The following LARGE1 variants were observed in gnomAD, a reference collection of about 807,000 sequenced individuals.
LARGE1 encodes LARGE xylosyl- and glucuronyltransferase 1.
In LARGE1, 43 loss-of-function variants were observed where a neutral mutation model predicts 87.6. That is an observed-to-expected ratio of 0.49 (90% CI 0.38 to 0.63). The LOEUF (loss-of-function observed/expected upper bound fraction) is 0.63. Ranked by LOEUF, LARGE1 falls within the 30% of genes least tolerant of loss-of-function variation. The pLI is 0.00. For synonymous variants in LARGE1, 434 were observed against 394.6 expected, an observed-to-expected ratio of 1.10 and a Z score of -1.18; for missense variants, 802 against 1,000.2, an observed-to-expected ratio of 0.80 and a Z score of 2.67.
chr22:33,118,472 A>G, the LARGE1 span, among the ~76,000 whole-genome samples: 1 of 151,220 alleles, frequency 6.6e-6, no homozygotes, highest in Non-Finnish European at 1.5e-5. Context: ...AGCCTGGGTG[A>G]CAGAGAGGGA....
intron 3 of LARGE1, among the ~76,000 whole-genome samples, chr22:33,637,712 TAC>T (rs1212338411): frequency 6.6e-6 from 1 of 152,194 alleles, no homozygotes; most frequent in East Asian, 1.9e-4. Flanking sequence ...ACTATATGGT[TAC>T]AGAGTCTTCA....
chr22:33,353,018 A>C, intron 9 of LARGE1, among the ~76,000 whole-genome samples: 1 of 152,236 alleles, frequency 6.6e-6, no homozygotes, highest in East Asian at 1.9e-4. Context: ...GCTACATTAC[A>C]AAGTAGAGAA....
chr22:33,837,223 A>G (rs1480009343), intron 1 of LARGE1, among the ~76,000 whole-genome samples: 2 of 140,266 alleles, frequency 1.4e-5, no homozygotes, highest in Non-Finnish European at 3.2e-5. Flanking sequence ...ATGCCACTCC[A>G]TATATATATA....
chr22:33,722,483 T>C (rs1328516549), intron 2 of LARGE1, among the ~76,000 whole-genome samples: 2 of 152,156 alleles, frequency 1.3e-5, no homozygotes, highest in Non-Finnish European at 1.5e-5. Context: ...GTAACAAATA[T>C]TGTGACAAAT....
rs373310920 is a variant in LARGE1, at chr22:33,737,950, T to C, written c.106+23421A>G. Among the ~76,000 whole-genome samples the C allele has an allele frequency of 1.0e-3, 158 of 152,200 alleles. 2 individuals are homozygous for C. Among genetic ancestry groups the C allele is most frequent in the African/African-American group, 3.4e-3 (143 of 41,526 alleles). On this transcript the variant is annotated intron_variant, in intron 2 of 14. Coordinates refer to ENST00000397394, the MANE Select transcript of LARGE1 (RefSeq NM_133642.5). ...CTTGTGCTGACATGTACTATTATTATACACTCTGTGCCTTTGAGACAACCT... is the reference window on the plus strand; with the variant it reads ...CTTGTGCTGACATGTACTATTATTACACACTCTGTGCCTTTGAGACAACCT...
intron 2 of LARGE1, among the ~76,000 whole-genome samples, chr22:33,652,861 A>G (rs1304250791): frequency 6.6e-6 from 1 of 152,168 alleles, no homozygotes; most frequent in East Asian, 1.9e-4. Context: ...TAAACGCCTA[A>G]GTGCCTGGTC....
chr22:33,883,600 A>G (rs917835779), intron 1 of LARGE1, among the ~76,000 whole-genome samples: 1 of 152,220 alleles, frequency 6.6e-6, no homozygotes, highest in African/African-American at 2.4e-5. Context: ...CCTCTCTGTC[A>G]TCCTCTCCCA....
At chr22:33,331,609 T>A (rs1937714898) in intron 10 of LARGE1, among the ~76,000 whole-genome samples, 1 of 152,136 alleles carries the variant, frequency 6.6e-6, no homozygotes, top group Admixed American at 6.5e-5. Flanking sequence ...GGTTTCGCCA[T>A]GTTAGCCAGG....
intron 6 of LARGE1, among the ~76,000 whole-genome samples, chr22:33,556,540 G>A (rs1313098807): frequency 1.9e-5 from 1 of 53,244 alleles, no homozygotes; most frequent in South Asian, 5.5e-4. Flanking sequence ...GGGAGGGAAG[G>A]AGGGAGGGAG....
chr22:33,697,549 C>CAAAAAAAAA (rs3072289), intron 2 of LARGE1, among the ~76,000 whole-genome samples: 2,521 of 53,642 alleles, frequency 0.047, 127 homozygotes, highest in African/African-American at 0.079. Flanking sequence ...GACTCTGTCC[C>CAAAAAAAAA]AAAAAAAAAA....
intron 11 of LARGE1, among the ~76,000 whole-genome samples, chr22:33,188,921 C>T (rs1377351061): frequency 6.6e-6 from 1 of 152,052 alleles, no homozygotes; most frequent in East Asian, 1.9e-4. Context: ...AAAATAGGCG[C>T]AGTCATGGGC....
At chr22:33,447,838 TC>T (rs1240040187) in intron 6 of LARGE1, among the ~76,000 whole-genome samples, 4 of 151,970 alleles carry the variant, frequency 2.6e-5, no homozygotes, top group Non-Finnish European at 5.9e-5. Context: ...CTAAGTATAC[TC>T]ATGCACACTC....
intron 2 of LARGE1, among the ~76,000 whole-genome samples, chr22:33,758,312 C>G (rs2084597098): frequency 6.6e-6 from 1 of 152,206 alleles, no homozygotes; most frequent in African/African-American, 2.4e-5. Context: ...CACTGTCACT[C>G]ACCTGGATTT....
chr22:33,684,994 G>T (rs1269923993), intron 2 of LARGE1, among the ~76,000 whole-genome samples: 2 of 152,178 alleles, frequency 1.3e-5, no homozygotes, highest in African/African-American at 4.8e-5. Context: ...GAGCCACCAA[G>T]CACAGACCAA....
intron 1 of LARGE1, among the ~76,000 whole-genome samples, chr22:33,887,244 C>T (rs551478496): frequency 6.6e-6 from 1 of 152,258 alleles, no homozygotes; most frequent in Non-Finnish European, 1.5e-5. Flanking sequence ...GCTGTTCATA[C>T]CATGAAGGTG....
intron 2 of LARGE1, among the ~76,000 whole-genome samples, chr22:33,722,564 AC>A (rs1400871288): frequency 2.0e-5 from 3 of 152,218 alleles, no homozygotes; most frequent in African/African-American, 7.2e-5. Flanking sequence ...ACCGAGCTGC[AC>A]ATTATGGGGG....
chr22:33,442,126 T>G (rs1334675570), intron 6 of LARGE1, among the ~76,000 whole-genome samples: 1 of 152,296 alleles, frequency 6.6e-6, no homozygotes, highest in Non-Finnish European at 1.5e-5. Context: ...CGTTGCTTAT[T>G]ATAAGCAAGA....
At chr22:33,477,815 A>G (rs889792876) in intron 6 of LARGE1, among the ~76,000 whole-genome samples, 2 of 152,162 alleles carry the variant, frequency 1.3e-5, no homozygotes, top group Non-Finnish European at 2.9e-5. Flanking sequence ...ATTCCATTTC[A>G]TTGCAGTAAA....
chr22:33,463,108 C>T (rs1163392087), intron 6 of LARGE1, among the ~76,000 whole-genome samples: 1 of 151,624 alleles, frequency 6.6e-6, no homozygotes, highest in Non-Finnish European at 1.5e-5. Flanking sequence ...AAAAGTATGA[C>T]AACTAGAAAG....
Sources: gnomAD v4.1 joint callset for allele counts (sites outside exome capture counted in the v4.1 genomes callset) on GRCh38, gnomAD v4.1.1 for gene constraint, MANE v1.5 for transcripts, NCBI Gene and HGNC (gene_info 2026-07-23, HGNC 2026-07-21) for gene names.